KASH5: variants seen among roughly 807,000 people sequenced by gnomAD.
The protein encoded by KASH5 is protein KASH5.
In KASH5, 72 loss-of-function variants were observed where a neutral mutation model predicts 84.2. The ratio of observed to expected loss-of-function variants is 0.85; its 90% confidence interval spans 0.71 to 1.04. The LOEUF (loss-of-function observed/expected upper bound fraction) is 1.04. Among genes scored for constraint, KASH5 ranks in the 50% least tolerant of loss-of-function variants. The pLI is 0.00. For synonymous variants in KASH5, 260 were observed against 279.1 expected (o/e 0.93, Z 0.68); for missense variants, 650 against 701.0 (o/e 0.93, Z 0.82).
chr19:49,396,204 G>A (rs1458896569), intron 5 of KASH5, among the ~76,000 whole-genome samples: 1 of 150,904 alleles, frequency 6.6e-6, no homozygotes, highest in Non-Finnish European at 1.5e-5. Context: ...TCCTTGCTCA[G>A]GCTGTTCCCC....
intron 13 of KASH5, 26 bp downstream of exon 13, chr19:49,409,057 G>T: frequency 6.3e-7 from 1 of 1,583,022 alleles, no homozygotes; most frequent in South Asian, 1.2e-5. Context: ...AGGGGTAGGA[G>T]GAGGCAGGAG....
chr19:49,399,735 A>C lies in KASH5; in HGVS notation c.798+228A>C, dbSNP rs1017209802. The C allele has an allele frequency of 6.2e-6, 8 of 1,280,746 alleles. No individual in the cohort carries two copies. Among genetic ancestry groups the C allele is most frequent in the Middle Eastern group, 2.6e-4 (1 of 3,890 alleles). 79.3% of individuals were successfully genotyped at this position (1,280,746 alleles called of 1,614,324 possible). On this transcript the variant is annotated intron_variant, in intron 9 of 19. Transcript: ENST00000447857. This position sits in a 1 kb window ranked among gnomAD's most constrained non-coding sequence, Gnocchi z 4.4. ...ATGGCTTCAGGCTGAGGCCACCTACATAAGAGTGGACCAGTGCCTCCCTTC... is the reference window on the plus strand; with the variant it reads ...ATGGCTTCAGGCTGAGGCCACCTACCTAAGAGTGGACCAGTGCCTCCCTTC...
intron 5 of KASH5, among the ~76,000 whole-genome samples, chr19:49,396,614 C>T (rs1421677798): frequency 6.6e-6 from 1 of 152,158 alleles, no homozygotes; most frequent in Non-Finnish European, 1.5e-5. Context: ...GTTCCTTGCT[C>T]CCCATGCTCA....
chr19:49,410,063 G>A (rs1246515977), intron 15 of KASH5, among the ~76,000 whole-genome samples, 188 bp downstream of exon 15: 1 of 152,248 alleles, frequency 6.6e-6, no homozygotes, highest in African/African-American at 2.4e-5. Context: ...CTACCCCAGG[G>A]ACTGACCTGC....
chr19:49,410,646 G>A (rs970658191), intron 15 of KASH5, among the ~76,000 whole-genome samples: 30 of 152,104 alleles, frequency 2.0e-4, no homozygotes, highest in African/African-American at 7.2e-4. Context: ...TGCCACACCT[G>A]GCTAATTTTT....
intron 17 of KASH5, 164 bp downstream of exon 17, chr19:49,415,160 G>A: frequency 2.8e-6 from 2 of 725,188 alleles, no homozygotes; most frequent in Non-Finnish European, 4.7e-6. Flanking sequence ...TGTAGCTAAT[G>A]AGAGCGATGG....
At chr19:49,390,128 T>C (rs1476305251) in intron 1 of KASH5, 1 of 152,276 alleles carries the variant, frequency 6.6e-6, no homozygotes. Context: ...CAAACTCCCA[T>C]GAGAAGCCAG....
chr19:49,413,298 T>G (rs1385740624), intron 16 of KASH5, among the ~76,000 whole-genome samples: 1 of 152,150 alleles, frequency 6.6e-6, no homozygotes, highest in Non-Finnish European at 1.5e-5. Context: ...GCCTCTGGAA[T>G]CAGCGTGGAT....
At position 49,395,933 on chromosome 19, in the gene KASH5, G is replaced by T. The variant is rs555441998; in HGVS notation, c.400+100G>T. 1.1e-6 allele frequency: 1 copy of T among 941,048 alleles called. No individual in the cohort carries two copies. Among genetic ancestry groups the T allele is most frequent in the Non-Finnish European group, 1.6e-6 (1 of 609,012 alleles). The allele number at this position is 941,048 out of a possible 1,614,324, so 58.3% of individuals were successfully genotyped here. A position where few individuals can be genotyped will look rare whatever the true frequency, so the allele number is the denominator to read the frequency against. On this transcript the variant is annotated intron_variant, in intron 5 of 19. Coordinates refer to ENST00000447857, the MANE Select transcript of KASH5 (RefSeq NM_144688.5). The surrounding 1 kb of genome is among the most constrained non-coding windows in gnomAD (Gnocchi z 4.4). ...AGCAAGGGATAGGGTAGGAACCAGG[G>T]ACCTTTACTGTAGACTAGAGCTGTG...
intron 9 of KASH5, among the ~76,000 whole-genome samples, chr19:49,405,547 G>A (rs1600930019): frequency 6.6e-6 from 1 of 152,006 alleles, no homozygotes; most frequent in East Asian, 1.9e-4. Flanking sequence ...AAGTATGATA[G>A]TGGTATTGTG....
chr19:49,405,456 CAAAAAAAAAA>C (rs58604196), intron 9 of KASH5, among the ~76,000 whole-genome samples: 1 of 90,444 alleles, frequency 1.1e-5, no homozygotes, highest in Non-Finnish European at 2.3e-5. Context: ...AAACTCCTCT[CAAAAAAAAAA>C]AAAAAAAAGA....
In KASH5 at chr19:49,399,839, C is replaced by T. The variant is rs139227371; in HGVS notation, c.798+332C>T. 993 of 420,728 alleles carry T rather than the reference C, an allele frequency of 2.4e-3. 8 individuals carry two copies. Among genetic ancestry groups the T allele is most frequent in the African/African-American group, 0.017 (880 of 51,118 alleles). 26.1% of individuals were successfully genotyped at this position (420,728 alleles called of 1,614,324 possible). On this transcript the variant is annotated intron_variant, in intron 9 of 19. Coordinates refer to ENST00000447857, the MANE Select transcript of KASH5 (RefSeq NM_144688.5). The surrounding 1 kb of genome is among the most constrained non-coding windows in gnomAD (Gnocchi z 4.4). ...TCAGTGGTTTGTGTGAGACTTCAAC[C>T]GAAGGATACTTGCAAAGTCTTGGGC... is the stretch of plus-strand genomic sequence containing the variant.
chr19:49,407,528 C>G (rs1416072967), intron 11 of KASH5, 84 bp from the exon 12 acceptor site: 16 of 1,437,802 alleles, frequency 1.1e-5, no homozygotes, highest in Non-Finnish European at 1.5e-5. Flanking sequence ...GTCCCTTAAC[C>G]CCCCAGCCAG....
chr19:49,403,290 G>A (rs1260277408), intron 9 of KASH5, among the ~76,000 whole-genome samples: 4 of 152,072 alleles, frequency 2.6e-5, no homozygotes, highest in Admixed American at 6.6e-5. Flanking sequence ...GGAGAATGTC[G>A]TGAACCCAGG....
chr19:49,397,844 C>T, intron 6 of KASH5, 127 bp downstream of exon 6: 2 of 1,439,128 alleles, frequency 1.4e-6, no homozygotes, highest in South Asian at 1.2e-5. Context: ...GCTGAAAGTT[C>T]AGGGAGAGCA....
Position 49,414,769 on chromosome 19 carries a change from G to C in KASH5, c.1329-182G>C, listed in dbSNP as rs1011227599. On this transcript the variant is annotated intron_variant, in intron 16 of 19. Coordinates refer to ENST00000447857, the MANE Select transcript of KASH5 (RefSeq NM_144688.5). This position sits in a 1 kb window ranked among gnomAD's most constrained non-coding sequence, Gnocchi z 4.5. ...GTCCGTGCTGCCTGGCCTCCCCCAG[G>C]CCCGTCCGTGCTGCCTGGCCTCCCC... Among the ~76,000 whole-genome samples the C allele has an allele frequency of 7.0e-6, 1 of 143,536 alleles. No homozygotes were observed. Among genetic ancestry groups the C allele is most frequent in the Non-Finnish European group, 1.5e-5 (1 of 64,718 alleles). The allele number at this position is 143,536 out of a possible 152,430, so 94.2% of individuals were successfully genotyped here.
intron 9 of KASH5, among the ~76,000 whole-genome samples, chr19:49,403,211 A>G (rs1974418662): frequency 1.3e-5 from 2 of 152,154 alleles, no homozygotes; most frequent in African/African-American, 4.8e-5. Context: ...ACAAAAAATA[A>G]ATAAATAAAT....
chr19:49,391,455 G>A (rs1974001941), intron 2 of KASH5, among the ~76,000 whole-genome samples: 1 of 152,158 alleles, frequency 6.6e-6, no homozygotes, highest in Non-Finnish European at 1.5e-5. Context: ...AAAAGGAACA[G>A]GTGAAATGAA....
chr19:49,394,251 C>T (rs1246164345), intron 2 of KASH5, among the ~76,000 whole-genome samples: 1 of 152,164 alleles, frequency 6.6e-6, no homozygotes, highest in Non-Finnish European at 1.5e-5. Context: ...CACAAAAAGA[C>T]AGCAGGGGGG....
Sources: gnomAD v4.1 joint callset for allele counts (sites outside exome capture counted in the v4.1 genomes callset) on GRCh38, gnomAD v4.1.1 for gene constraint, Gnocchi (gnomAD v3.1) non-coding constraint, MANE v1.5 for transcripts, NCBI Gene and HGNC (gene_info 2026-07-23, HGNC 2026-07-21) for gene names.